The following SNTG2 variants were observed in gnomAD, a reference collection of about 807,000 sequenced individuals.
SNTG2 encodes the protein syntrophin gamma 2, also known as gamma-2-syntrophin.
A neutral mutation model predicts 70.9 loss-of-function variants in SNTG2; 74 were observed. The observed-to-expected ratio is 1.04, with a 90% CI of 0.86 to 1.27. The LOEUF (loss-of-function observed/expected upper bound fraction) is 1.27. SNTG2 is among the 50% of genes most tolerant of loss of function. SNTG2 has a pLI of 0.00. For missense variants in SNTG2, 717 were observed against 690.7 expected, an observed-to-expected ratio of 1.04 and a Z score of -0.43; for synonymous variants, 278 against 273.8, an observed-to-expected ratio of 1.02 and a Z score of -0.15.
At chr2:1,190,836 G>A (rs149336976) in intron 8 of SNTG2, among the ~76,000 whole-genome samples, 3,149 of 152,196 alleles carry the variant, frequency 0.021, 70 homozygotes, top group South Asian at 0.079. Context: ...GTGTATTGAT[G>A]TGTATTGATG....
intron 1 of SNTG2, among the ~76,000 whole-genome samples, chr2:972,271 C>T (rs1429555363): frequency 1.3e-5 from 2 of 152,154 alleles, no homozygotes; most frequent in Non-Finnish European, 2.9e-5. Flanking sequence ...TACTTAGTCT[C>T]CTCATAAGTT....
At chr2:1,152,423 G>A (rs114861373) in intron 6 of SNTG2, among the ~76,000 whole-genome samples, 1 of 152,212 alleles carries the variant, frequency 6.6e-6, no homozygotes, top group Non-Finnish European at 1.5e-5. Flanking sequence ...GTGTACCTGT[G>A]TGTACTGCAT....
chr2:1,289,470 C>T (rs1051208344), intron 14 of SNTG2, among the ~76,000 whole-genome samples: 2 of 152,110 alleles, frequency 1.3e-5, no homozygotes, highest in East Asian at 1.9e-4. Flanking sequence ...CTTGGCAGAT[C>T]GTACCCTGGA....
intron 2 of SNTG2, 73 bp from the exon 3 acceptor site, chr2:1,098,123 A>T: frequency 6.6e-7 from 1 of 1,515,266 alleles, no homozygotes; most frequent in Non-Finnish European, 9.1e-7. Flanking sequence ...TTAAATGAAG[A>T]ATTTCTTTTG....
intron 10 of SNTG2, among the ~76,000 whole-genome samples, chr2:1,238,643 G>A (rs536655884): frequency 8.5e-5 from 13 of 152,312 alleles, no homozygotes; most frequent in African/African-American, 2.2e-4. Flanking sequence ...GCCTGGACTC[G>A]GACATGGAGC....
chr2:1,081,621 C>T (rs577492557), intron 1 of SNTG2, among the ~76,000 whole-genome samples: 38 of 152,342 alleles, frequency 2.5e-4, no homozygotes, highest in Middle Eastern at 3.4e-3. Context: ...GCCTCCTTCC[C>T]GGCTGCCCTT....
chr2:953,864 T>C (rs767377417), intron 1 of SNTG2, among the ~76,000 whole-genome samples: 9 of 152,176 alleles, frequency 5.9e-5, no homozygotes, highest in South Asian at 4.1e-4. Context: ...GATATCTTTA[T>C]GGATGATGAC....
intron 1 of SNTG2, among the ~76,000 whole-genome samples, chr2:1,008,863 A>C (rs1022375978): frequency 1.3e-5 from 2 of 152,200 alleles, no homozygotes; most frequent in African/African-American, 4.8e-5. Flanking sequence ...TGTTCATTTC[A>C]GTTCTTTCTG....
chr2:1,173,222 A>G, intron 8 of SNTG2, 39 bp downstream of exon 8: 2 of 1,535,244 alleles, frequency 1.3e-6, no homozygotes, highest in Non-Finnish European at 1.8e-6. Flanking sequence ...ATTTTAACAG[A>G]AATATCAGTA....
chr2:1,190,769 A>G (rs1199547971), intron 8 of SNTG2, among the ~76,000 whole-genome samples: 4 of 152,042 alleles, frequency 2.6e-5, no homozygotes, highest in African/African-American at 9.7e-5. Flanking sequence ...GAGAAAAGCA[A>G]ATATCTTTAG....
intron 6 of SNTG2, among the ~76,000 whole-genome samples, chr2:1,161,999 G>A (rs570780639): frequency 9.3e-5 from 14 of 150,802 alleles, no homozygotes; most frequent in South Asian, 4.2e-4. Context: ...GTGTGAACCC[G>A]GGAGGCGGAG....
At chr2:1,312,464 G>T (rs745774515) in intron 15 of SNTG2, among the ~76,000 whole-genome samples, 1 of 152,210 alleles carries the variant, frequency 6.6e-6, no homozygotes, top group Non-Finnish European at 1.5e-5. Context: ...TGAGGGAGAA[G>T]GGGAGGCTGA....
At chr2:1,099,906 C>T (rs997264985) in intron 4 of SNTG2, among the ~76,000 whole-genome samples, 2 of 152,170 alleles carry the variant, frequency 1.3e-5, no homozygotes, top group Non-Finnish European at 2.9e-5. Flanking sequence ...ACATTTTTCT[C>T]CTTTTTGAGC....
intron 1 of SNTG2, among the ~76,000 whole-genome samples, chr2:1,068,580 G>A (rs1180383686): frequency 6.6e-6 from 1 of 152,126 alleles, no homozygotes; most frequent in Non-Finnish European, 1.5e-5. Context: ...TTAGACAGGT[G>A]TTCTCATTTT....
At chr2:1,020,622 T>C (rs1028757619) in intron 1 of SNTG2, among the ~76,000 whole-genome samples, 1 of 152,104 alleles carries the variant, frequency 6.6e-6, no homozygotes, top group Non-Finnish European at 1.5e-5. Context: ...AATAATATAC[T>C]CCTCATCCAT....
intron 4 of SNTG2, among the ~76,000 whole-genome samples, chr2:1,115,412 C>T (rs551896462): frequency 2.0e-5 from 3 of 150,688 alleles, no homozygotes; most frequent in African/African-American, 7.3e-5. Context: ...CCCCTATAGT[C>T]CTTTTAGGAG....
intron 16 of SNTG2, among the ~76,000 whole-genome samples, chr2:1,360,999 G>A (rs1465637847): frequency 2.0e-5 from 3 of 152,136 alleles, no homozygotes; most frequent in East Asian, 3.9e-4. Flanking sequence ...AGTCCCCAGC[G>A]CTGTCTCTTC....
chr2:1,024,572 A>C (rs933759736), intron 1 of SNTG2, among the ~76,000 whole-genome samples: 12 of 152,100 alleles, frequency 7.9e-5, no homozygotes, highest in African/African-American at 2.9e-4. Context: ...GTGTGGTCTC[A>C]CTATGTTGCT....
intron 8 of SNTG2, among the ~76,000 whole-genome samples, chr2:1,204,461 T>A (rs538444028): frequency 6.0e-4 from 91 of 152,340 alleles, no homozygotes; most frequent in African/African-American, 2.0e-3. Flanking sequence ...TTATCTGTAG[T>A]TTTGCTTTCC....
Sources: allele counts gnomAD v4.1 joint callset (sites outside exome capture counted in the v4.1 genomes callset), GRCh38; gene constraint gnomAD v4.1.1; transcripts MANE v1.5; gene names NCBI Gene and HGNC (gene_info 2026-07-23, HGNC 2026-07-21).